Variants in ZNF827 observed in about 807,000 individuals in gnomAD.
ZNF827 encodes the protein zinc finger protein 827.
A neutral mutation model predicts 102.4 loss-of-function variants in ZNF827; 13 were observed. That is an observed-to-expected ratio of 0.13 (90% CI 0.08 to 0.20). ZNF827 has a LOEUF of 0.20. ZNF827 is among the 10% of genes least tolerant of loss of function. ZNF827 has a pLI of 1.00. For synonymous variants in ZNF827, 523 were observed against 536.2 expected, an observed-to-expected ratio of 0.98 and a Z score of 0.34; for missense variants, 1,103 against 1,344.4, an observed-to-expected ratio of 0.82 and a Z score of 2.81.
chr4:145,891,145 G>A (rs752405336), intron 3 of ZNF827, among the ~76,000 whole-genome samples: 1 of 152,178 alleles, frequency 6.6e-6, no homozygotes, highest in Admixed American at 6.5e-5. Context: ...TATCAGTGAA[G>A]ATATGATTGC....
intron 1 of ZNF827, among the ~76,000 whole-genome samples, chr4:145,937,749 G>A (rs1244256804): frequency 7.9e-6 from 1 of 125,868 alleles, no homozygotes; most frequent in Non-Finnish European, 1.6e-5. Context: ...TCCAGCCGCC[G>A]CCGCCGCTGC....
At chr4:145,782,634 T>C (rs980128447) in intron 8 of ZNF827, among the ~76,000 whole-genome samples, 1 of 152,182 alleles carries the variant, frequency 6.6e-6, no homozygotes, top group Non-Finnish European at 1.5e-5. Flanking sequence ...CCAACAGCCC[T>C]TCCTCACCTC....
At chr4:145,860,220 CTCT>C (rs1419408402) in intron 5 of ZNF827, among the ~76,000 whole-genome samples, 6 of 152,164 alleles carry the variant, frequency 3.9e-5, no homozygotes, top group African/African-American at 9.7e-5. Flanking sequence ...GCAATTTCAC[CTCT>C]TCTTCTCAGT....
In ZNF827 at chr4:145,937,759, C is replaced by T. The variant is rs1390270436; in HGVS notation, c.43+606G>A. On this transcript the variant is annotated intron_variant, in intron 1 of 14. Coordinates refer to ENST00000508784, the MANE Select transcript of ZNF827 (RefSeq NM_001306215.2). ...CCTGCTCCAGCCGCCGCCGCCGCTG[C>T]CGCCGGCGGCTCGGGGGCCGACCAA... Among the ~76,000 whole-genome samples the T allele has an allele frequency of 2.0e-5, 3 of 146,488 alleles. No individual in the cohort carries two copies. In the East Asian group the frequency reaches 6.2e-4, roughly 30 times the overall value.
chr4:145,937,944 A>G (rs1258762265), intron 1 of ZNF827, among the ~76,000 whole-genome samples: 1 of 140,492 alleles, frequency 7.1e-6, no homozygotes, highest in Non-Finnish European at 1.6e-5. Flanking sequence ...TCCACAAGGA[A>G]TTTTTTTTTT....
At chr4:145,846,845 A>T (rs1166793952) in intron 6 of ZNF827, among the ~76,000 whole-genome samples, 1 of 144,082 alleles carries the variant, frequency 6.9e-6, no homozygotes, top group Admixed American at 7.2e-5. Context: ...AAACACAACA[A>T]CAACAACAAA....
rs759748128 is a variant in ZNF827, at chr4:145,902,261, G to T, written c.998C>A (p.Pro333Gln). The T allele has an allele frequency of 2.5e-6, 4 of 1,594,670 alleles. No individual in the cohort carries two copies. The part of the protein sequence containing the change: ...KPEKVTPPPP[P>Q]PPPPPPPPPP... The stretch of plus-strand genomic sequence containing the variant: ...TGGTGGTGGAGGTGGTGGAGGTGGC[G>T]GTGGAGGTGGCGGAGTGACTTTTTC... The change falls in exon 2 of 15, where the codon CCG becomes CAG. Residue 333 changes from proline to glutamine, a missense_variant. Pro to Gln is a moderately conservative substitution (Grantham distance 76). Around this residue, in one of 5 missense-constraint regions of ZNF827, gnomAD observed 441 missense variants for 458.6 expected, o/e 0.96. Coordinates refer to ENST00000508784, the MANE Select transcript of ZNF827 (RefSeq NM_001306215.2). The surrounding 1 kb of genome is among the most constrained non-coding windows in gnomAD (Gnocchi z 4.3).
chr4:145,921,383 T>G (rs1431877461), intron 1 of ZNF827, among the ~76,000 whole-genome samples: 4 of 146,544 alleles, frequency 2.7e-5, no homozygotes, highest in African/African-American at 1.0e-4. Flanking sequence ...CTGGATTACA[T>G]GAGTGTTTTA....
rs7656334 is a variant in ZNF827, at chr4:145,926,382, C to T, written c.43+11983G>A. On this transcript the variant is annotated intron_variant, in intron 1 of 14. Coordinates refer to ENST00000508784, the MANE Select transcript of ZNF827 (RefSeq NM_001306215.2). ...ATATGATGATTTCAAGAGCCTACAACATTCTAGTTGCCTCCCTTCTTGTGA... is the reference window on the plus strand; with the variant it reads ...ATATGATGATTTCAAGAGCCTACAATATTCTAGTTGCCTCCCTTCTTGTGA... 6.3e-3 allele frequency among the ~76,000 whole-genome samples: 954 copies of T among 152,350 alleles called. 13 individuals are homozygous for T. The highest frequency in any genetic ancestry group is 0.022 in the African/African-American group (908 of 41,576).
intron 1 of ZNF827, among the ~76,000 whole-genome samples, chr4:145,924,248 A>C (rs1023992131): frequency 3.3e-5 from 5 of 152,196 alleles, no homozygotes; most frequent in Non-Finnish European, 7.3e-5. Context: ...ATAAACAGAG[A>C]ATTTAGGGTA....
chr4:145,927,511 G>A (rs1213721785), intron 1 of ZNF827, among the ~76,000 whole-genome samples: 2 of 152,194 alleles, frequency 1.3e-5, no homozygotes, highest in Non-Finnish European at 2.9e-5. Flanking sequence ...AAGTCTTTGA[G>A]GAGGGAAATA....
chr4:145,863,821 C>G (rs761932345), intron 5 of ZNF827, among the ~76,000 whole-genome samples: 1 of 152,234 alleles, frequency 6.6e-6, no homozygotes. Flanking sequence ...GTGATGGTTG[C>G]ACAACTCTGT....
rs899944770 is a variant in ZNF827, at chr4:145,808,054, A to T, written c.2383+15368T>A. Among the ~76,000 whole-genome samples, 3 of 145,440 alleles carry T rather than the reference A, an allele frequency of 2.1e-5. No homozygotes were observed. The South Asian group carries it at 6.5e-4, about 31-fold the overall frequency. On this transcript the variant is annotated intron_variant, in intron 8 of 14. Coordinates refer to ENST00000508784, the MANE Select transcript of ZNF827 (RefSeq NM_001306215.2). ...GTTAAAAGCATTTGCAAGAGTACAC[A>T]TTTTTTTTTTTTTCCTGAGTAAACT...
chr4:145,792,662 G>A (rs979841656), intron 8 of ZNF827, among the ~76,000 whole-genome samples: 2 of 152,048 alleles, frequency 1.3e-5, no homozygotes, highest in Non-Finnish European at 2.9e-5. Context: ...CCAAAGTGCT[G>A]GGATTACAGG....
chr4:145,828,042 C>T (rs770151301), intron 7 of ZNF827, among the ~76,000 whole-genome samples: 1 of 152,114 alleles, frequency 6.6e-6, no homozygotes, highest in East Asian at 1.9e-4. Context: ...CTGTTGGCAG[C>T]GGGCAGCGGA....
rs181594396 is a variant in ZNF827 at position 145,833,894 on chromosome 4, G to A, written c.2280-10369C>T. On this transcript the variant is annotated intron_variant, in intron 7 of 14. Transcript: ENST00000508784. ...CTGCGCCCCAACCTCTTATCTCTGT[G>A]CCCCAACCCCTTTTCCCACTTTTCT... Among the ~76,000 whole-genome samples the A allele has an allele frequency of 3.5e-3, 531 of 150,744 alleles. 3 individuals carry two copies. The highest frequency in any genetic ancestry group is 0.012 in the African/African-American group (501 of 40,880).
chr4:145,918,330 G>C (rs1030793734), intron 1 of ZNF827, among the ~76,000 whole-genome samples: 2 of 31,210 alleles, frequency 6.4e-5, no homozygotes, highest in African/African-American at 4.5e-4. Flanking sequence ...CTTAGCTCAA[G>C]GCAAAAAAAA....
rs1734552720 is a variant in ZNF827, at chr4:145,761,825, G to A, written c.*18-227C>T. On this transcript the variant is annotated intron_variant, in intron 14 of 14. Coordinates refer to ENST00000508784, the MANE Select transcript of ZNF827 (RefSeq NM_001306215.2). The surrounding 1 kb of genome is among the most constrained non-coding windows in gnomAD (Gnocchi z 6.8). ...AAGCAGCTCTGGCAAGGTCCGCTCA[G>A]CCTATTCTGGGTCTCTTGGCCGATA... Among the ~76,000 whole-genome samples the A allele has an allele frequency of 6.6e-6, 1 of 152,214 alleles. No homozygotes were observed. The highest frequency in any genetic ancestry group is 1.5e-5 in the Non-Finnish European group (1 of 68,026).
chr4:145,795,134 T>G (rs1740245713), intron 8 of ZNF827, among the ~76,000 whole-genome samples: 1 of 152,100 alleles, frequency 6.6e-6, no homozygotes, highest in African/African-American at 2.4e-5. Flanking sequence ...AGATGTTATG[T>G]GTTTTTTTGT....
Sources: allele counts gnomAD v4.1 joint callset (sites outside exome capture counted in the v4.1 genomes callset), GRCh38; gene constraint gnomAD v4.1.1; regional missense constraint gnomAD v4.1.1; non-coding constraint Gnocchi (gnomAD v3.1); transcripts MANE v1.5; gene names NCBI Gene and HGNC (gene_info 2026-07-23, HGNC 2026-07-21).